Variants in FAM241A observed in about 807,000 individuals in gnomAD.
The protein encoded by FAM241A is uncharacterized protein FAM241A.
Under a neutral mutation model 12.2 loss-of-function variants are expected in FAM241A, and 7 were observed. The ratio of observed to expected loss-of-function variants is 0.58; its 90% CI spans 0.33 to 1.08. FAM241A has a LOEUF of 1.08. Ranked by LOEUF, FAM241A falls within the 50% of genes least tolerant of loss-of-function variation. The pLI is 0.04. For missense variants in FAM241A, 161 were observed against 169.7 expected, an observed-to-expected ratio of 0.95 and a Z score of 0.29; for synonymous variants, 74 against 68.2, an observed-to-expected ratio of 1.08 and a Z score of -0.42.
chr4:112,164,726 A>C (rs1005820954), intron 1 of FAM241A, among the ~76,000 whole-genome samples: 1 of 152,226 alleles, frequency 6.6e-6, no homozygotes, highest in African/African-American at 2.4e-5. Flanking sequence ...TAATAACCAG[A>C]ATATATAAGG....
In FAM241A at chr4:112,195,226, A is replaced by T. The variant is rs1724245573; in HGVS notation, c.*8288A>T. ...TTAAATGACATGTATATACTTTGTTATTCTTTCTAATAAATAATACTCTTT... is the reference window on the plus strand; with the variant it reads ...TTAAATGACATGTATATACTTTGTTTTTCTTTCTAATAAATAATACTCTTT... On this transcript the variant is annotated 3_prime_UTR_variant, in exon 2 of 2. Transcript: ENST00000309733. The T allele has an allele frequency of 6.6e-6, 1 of 152,216 alleles. No individual in the cohort carries two copies. The highest frequency in any genetic ancestry group is 1.5e-5 in the Non-Finnish European group (1 of 68,040). 9.4% of individuals were successfully genotyped at this position (152,216 alleles called of 1,614,324 possible). A position where few individuals can be genotyped will look rare whatever the true frequency, so the allele number is the denominator to read the frequency against.
rs1014608004 is a variant in FAM241A, at chr4:112,145,512, C to T, written c.-69C>T. 15 of 1,191,554 alleles carry T rather than the reference C, an allele frequency of 1.3e-5. No individual in the cohort carries two copies. The highest frequency in any genetic ancestry group is 4.2e-5 in the South Asian group (1 of 24,092). 73.8% of individuals were successfully genotyped at this position (1,191,554 alleles called of 1,614,324 possible). A position where few individuals can be genotyped will look rare whatever the true frequency, so the allele number is the denominator to read the frequency against. On this transcript the variant is annotated 5_prime_UTR_variant, in exon 1 of 2. Coordinates refer to ENST00000309733, the MANE Select transcript of FAM241A (RefSeq NM_152400.3). ...GGATCCCAGGGCAGCCTTCGGGCGG[C>T]GGCGCTGCCTGGTGCGTCGCGGCGT...
chr4:112,149,259 G>T (rs1263647088), intron 1 of FAM241A, among the ~76,000 whole-genome samples: 2 of 152,038 alleles, frequency 1.3e-5, no homozygotes, highest in Non-Finnish European at 2.9e-5. Context: ...TCCCGTCTCA[G>T]CCTCCCGAAG....
chr4:112,145,620 G>C lies in FAM241A; in HGVS notation c.40G>C (p.Gly14Arg). 7 of 1,231,222 alleles carry C rather than the reference G, an allele frequency of 5.7e-6. No individual in the cohort carries two copies. Among genetic ancestry groups the C allele is most frequent in the Non-Finnish European group, 7.1e-6 (7 of 986,238 alleles). 76.3% of individuals were successfully genotyped at this position (1,231,222 alleles called of 1,614,324 possible). A position where few individuals can be genotyped will look rare whatever the true frequency, so the allele number is the denominator to read the frequency against. The stretch of plus-strand genomic sequence containing the variant: ...GGAGCTGCTGCGGGGCGGCGACGGC[G>C]GGGAACGCGACGAGGACGGGGACGC... ...AGELLRGGDG[G>R]ERDEDGDALA... The change falls in exon 1 of 2, where the codon GGG (glycine) becomes CGG (arginine). Residue 14 changes from glycine to arginine, a missense_variant. Gly to Arg is a moderately radical substitution (Grantham distance 125, BLOSUM62 -2). Coordinates refer to ENST00000309733, the MANE Select transcript of FAM241A (RefSeq NM_152400.3).
chr4:112,160,429 T>C (rs1002476933), intron 1 of FAM241A, among the ~76,000 whole-genome samples: 3 of 148,716 alleles, frequency 2.0e-5, no homozygotes, highest in African/African-American at 4.9e-5. Context: ...AGGAAAGATA[T>C]TGCATGTTCA....
At chr4:112,159,658 G>A (rs1178722568) in intron 1 of FAM241A, among the ~76,000 whole-genome samples, 1 of 152,132 alleles carries the variant, frequency 6.6e-6, no homozygotes, top group East Asian at 1.9e-4. Context: ...TGTATCAACA[G>A]AATGAGGGAT....
chr4:112,194,619 G>T lies in FAM241A; in HGVS notation c.*7681G>T, dbSNP rs1361019729. The T allele has an allele frequency of 6.6e-6, 1 of 152,004 alleles. No homozygotes were observed. Among genetic ancestry groups the T allele is most frequent in the African/African-American group, 2.4e-5 (1 of 41,356 alleles). The allele number at this position is 152,004 out of a possible 1,614,324, so 9.4% of individuals were successfully genotyped here. A position where few individuals can be genotyped will look rare whatever the true frequency, so the allele number is the denominator to read the frequency against. On this transcript the variant is annotated 3_prime_UTR_variant, in exon 2 of 2. Coordinates refer to ENST00000309733, the MANE Select transcript of FAM241A (RefSeq NM_152400.3). Reference sequence around the variant, plus strand: ...CTATTGAGATAATCATGTGGTTTTTGTCTTTGGTTCTGTTTATATGCTGGA... The same window carrying T: ...CTATTGAGATAATCATGTGGTTTTTTTCTTTGGTTCTGTTTATATGCTGGA...
chr4:112,161,543 T>C (rs1723469902), intron 1 of FAM241A, among the ~76,000 whole-genome samples: 1 of 151,954 alleles, frequency 6.6e-6, no homozygotes, highest in Admixed American at 6.6e-5. Flanking sequence ...ACTACGCAAG[T>C]AAACTAGAAA....
chr4:112,187,143 A>G lies in FAM241A; in HGVS notation c.*205A>G, dbSNP rs1724064726. ...TGAATATATATTTTGAATATACATTAGCTTATTCAAAACTCTTGTTTCACT... is the reference window on the plus strand; with the variant it reads ...TGAATATATATTTTGAATATACATTGGCTTATTCAAAACTCTTGTTTCACT... On this transcript the variant is annotated 3_prime_UTR_variant, in exon 2 of 2. Transcript: ENST00000309733. The G allele has an allele frequency of 3.5e-6, 2 of 566,498 alleles. No homozygotes were observed. Among genetic ancestry groups the G allele is most frequent in the Non-Finnish European group, 6.1e-6 (2 of 326,590 alleles). 35.1% of individuals were successfully genotyped at this position (566,498 alleles called of 1,614,324 possible). A position where few individuals can be genotyped will look rare whatever the true frequency, so the allele number is the denominator to read the frequency against.
At chr4:112,154,653 C>T (rs1560579856) in intron 1 of FAM241A, among the ~76,000 whole-genome samples, 1 of 152,082 alleles carries the variant, frequency 6.6e-6, no homozygotes, top group Non-Finnish European at 1.5e-5. Context: ...AGTAATGTCA[C>T]CAGAGATTTC....
chr4:112,175,421 C>T (rs979187988), intron 1 of FAM241A, among the ~76,000 whole-genome samples: 1 of 152,124 alleles, frequency 6.6e-6, no homozygotes, highest in African/African-American at 2.4e-5. Flanking sequence ...CAGTAAAAGT[C>T]TTGGCTAGAG....
chr4:112,154,011 T>G lies in FAM241A; in HGVS notation c.153+8278T>G, dbSNP rs182733580. ...ATTTAATTTTTGTTTTGTATCCTCT[T>G]AATTAAATTTTACTTGAATGTCTGC... On this transcript the variant is annotated intron_variant, in intron 1 of 1. Coordinates refer to ENST00000309733, the MANE Select transcript of FAM241A (RefSeq NM_152400.3). 7.9e-5 allele frequency among the ~76,000 whole-genome samples: 12 copies of G among 152,332 alleles called. 1 individual carries two copies. The highest frequency in any genetic ancestry group is 6.5e-4 in the Admixed American group (10 of 15,308).
intron 1 of FAM241A, among the ~76,000 whole-genome samples, chr4:112,165,004 G>A (rs1723565229): frequency 6.6e-6 from 1 of 152,132 alleles, no homozygotes; most frequent in Admixed American, 6.5e-5. Flanking sequence ...GGCTGAGGTG[G>A]GAGAATCACC....
rs1304644587 is a variant in FAM241A, at chr4:112,187,080, G to A, written c.*142G>A. The A allele has an allele frequency of 8.2e-6, 7 of 848,946 alleles. No homozygotes were observed. The African/African-American group carries it at 1.2e-4, about 14-fold the overall frequency. 52.6% of individuals were successfully genotyped at this position (848,946 alleles called of 1,614,324 possible). On this transcript the variant is annotated 3_prime_UTR_variant, in exon 2 of 2. Transcript: ENST00000309733. ...TGTTTTGTAAGTAAATTTATACATG[G>A]ATGTCACTTAAAACTAAACTCTTGA...
chr4:112,180,241 A>G (rs571914281), intron 1 of FAM241A, among the ~76,000 whole-genome samples: 2 of 152,090 alleles, frequency 1.3e-5, no homozygotes, highest in East Asian at 3.9e-4. Flanking sequence ...TTGAAAAACT[A>G]CCTATTGGGT....
At position 112,145,740 on chromosome 4, in the gene FAM241A, G is replaced by T; in HGVS notation, c.153+7G>T. 1.7e-6 allele frequency: 2 copies of T among 1,184,940 alleles called. No homozygotes were observed. Among genetic ancestry groups the T allele is most frequent in the Non-Finnish European group, 2.1e-6 (2 of 957,772 alleles). The allele number at this position is 1,184,940 out of a possible 1,614,324, so 73.4% of individuals were successfully genotyped here. ...GCCGAAGGAGAGCGAGCAGGTGAGC[G>T]CGGGGAGGGGCGGCGGCGAAGCGGC... On this transcript the variant is annotated splice_region_variant and intron_variant, in intron 1 of 1. Coordinates refer to ENST00000309733, the MANE Select transcript of FAM241A (RefSeq NM_152400.3).
At position 112,191,174 on chromosome 4, in the gene FAM241A, A is replaced by C. The variant is rs970643779; in HGVS notation, c.*4236A>C. ...ACTGCTCAAGCAGGAGTTGTAGATG[A>C]CATCCTTGACTCTGTGTTTCCTACA... On this transcript the variant is annotated 3_prime_UTR_variant, in exon 2 of 2. Coordinates refer to ENST00000309733, the MANE Select transcript of FAM241A (RefSeq NM_152400.3). 10 of 151,828 alleles carry C rather than the reference A, an allele frequency of 6.6e-5. No individual in the cohort carries two copies. Among genetic ancestry groups the C allele is most frequent in the African/African-American group, 2.4e-4 (10 of 41,418 alleles). 9.4% of individuals were successfully genotyped at this position (151,828 alleles called of 1,614,324 possible).
In FAM241A at chr4:112,192,191, G is replaced by A. The variant is rs1412220378; in HGVS notation, c.*5253G>A. The stretch of plus-strand genomic sequence containing the variant: ...CACTATACACTTGTGTATTTTAGGA[G>A]AAAATGTATTTTCAATGTTTGGTTG... On this transcript the variant is annotated 3_prime_UTR_variant, in exon 2 of 2. Transcript: ENST00000309733. 1 of 152,112 alleles carries A rather than the reference G, an allele frequency of 6.6e-6. No homozygotes were observed. Among genetic ancestry groups the A allele is most frequent in the Non-Finnish European group, 1.5e-5 (1 of 68,016 alleles). 9.4% of individuals were successfully genotyped at this position (152,112 alleles called of 1,614,324 possible).
intron 1 of FAM241A, among the ~76,000 whole-genome samples, chr4:112,175,818 G>A (rs1723809134): frequency 6.6e-6 from 1 of 151,990 alleles, no homozygotes; most frequent in Non-Finnish European, 1.5e-5. Flanking sequence ...CTTGGAGCTG[G>A]GGAATGGAGA....
Sources: allele counts gnomAD v4.1 joint callset (sites outside exome capture counted in the v4.1 genomes callset), GRCh38; gene constraint gnomAD v4.1.1; transcripts MANE v1.5; gene names NCBI Gene and HGNC (gene_info 2026-07-23, HGNC 2026-07-21).